EXOC6B: variants seen among roughly 807,000 people sequenced by gnomAD.
The protein encoded by EXOC6B is SEC15 homolog B.
A neutral mutation model predicts 113.5 loss-of-function variants in EXOC6B; 54 were observed. The observed-to-expected ratio is 0.48, with a 90% CI of 0.38 to 0.60. EXOC6B has a LOEUF of 0.60. EXOC6B is among the 20% of genes least tolerant of loss of function. EXOC6B has a pLI of 0.00. For missense variants in EXOC6B, 797 were observed against 977.5 expected (o/e 0.82, Z 2.46); for synonymous variants, 357 against 339.0 (o/e 1.05, Z -0.58).
chr2:72,317,624 A>G (rs1687600877), intron 20 of EXOC6B, among the ~76,000 whole-genome samples: 1 of 151,862 alleles, frequency 6.6e-6, no homozygotes, highest in South Asian at 2.1e-4. Flanking sequence ...GATAAGAATG[A>G]TAAGCAGTAT....
intron 8 of EXOC6B, among the ~76,000 whole-genome samples, chr2:72,531,497 G>A (rs207461857): frequency 1.2e-4 from 19 of 152,208 alleles, no homozygotes; most frequent in South Asian, 1.2e-3. Context: ...CTTTTCAAGC[G>A]CATACTGAAC....
intron 6 of EXOC6B, among the ~76,000 whole-genome samples, chr2:72,695,802 T>A (rs1206621893): frequency 1.3e-5 from 2 of 152,210 alleles, no homozygotes; most frequent in African/African-American, 2.4e-5. Flanking sequence ...TACTAACCAT[T>A]TCTGAAGGCT....
chr2:72,304,440 C>T (rs1444539073), intron 20 of EXOC6B, among the ~76,000 whole-genome samples: 2 of 152,172 alleles, frequency 1.3e-5, no homozygotes, highest in Non-Finnish European at 2.9e-5. Flanking sequence ...TATAGCTTCA[C>T]ATATTTTTAA....
At chr2:72,607,767 A>T (rs368971029) in intron 6 of EXOC6B, among the ~76,000 whole-genome samples, 1 of 152,202 alleles carries the variant, frequency 6.6e-6, no homozygotes, top group Non-Finnish European at 1.5e-5. Context: ...TCTGTAAAAC[A>T]TATTGGGTCA....
chr2:72,767,845 G>T (rs562796551), intron 1 of EXOC6B, among the ~76,000 whole-genome samples: 1 of 58,224 alleles, frequency 1.7e-5, no homozygotes, highest in Non-Finnish European at 3.7e-5. Flanking sequence ...ACCAAGTCCG[G>T]TGGCTCACGC....
chr2:72,776,155 A>AT (rs763201278), intron 1 of EXOC6B, among the ~76,000 whole-genome samples: 50 of 152,314 alleles, frequency 3.3e-4, no homozygotes, highest in Non-Finnish European at 6.5e-4. Context: ...ACTGTATGTG[A>AT]AACTGCAATT....
chr2:72,264,720 C>A (rs949450002), intron 20 of EXOC6B, among the ~76,000 whole-genome samples: 1 of 151,960 alleles, frequency 6.6e-6, no homozygotes, highest in Non-Finnish European at 1.5e-5. Context: ...TTTCCCCACG[C>A]TGTTCTCATG....
chr2:72,342,845 G>C (rs1331240003), intron 19 of EXOC6B, among the ~76,000 whole-genome samples: 1 of 152,078 alleles, frequency 6.6e-6, no homozygotes, highest in Non-Finnish European at 1.5e-5. Flanking sequence ...TATAGTTACC[G>C]TATGATCCAG....
intron 6 of EXOC6B, among the ~76,000 whole-genome samples, chr2:72,665,484 A>T (rs1449804961): frequency 6.6e-6 from 1 of 152,182 alleles, no homozygotes; most frequent in Non-Finnish European, 1.5e-5. Context: ...AAATAGCATT[A>T]GGCAAGCAGC....
intron 7 of EXOC6B, among the ~76,000 whole-genome samples, chr2:72,567,449 C>G (rs1558803171): frequency 6.6e-6 from 1 of 151,966 alleles, no homozygotes. Flanking sequence ...TACAGAATGA[C>G]AGAAAAGACT....
At chr2:72,232,765 T>A (rs558345311) in intron 20 of EXOC6B, among the ~76,000 whole-genome samples, 205 of 152,288 alleles carry the variant, frequency 1.3e-3, no homozygotes, top group African/African-American at 4.7e-3. Context: ...AAGAAATATG[T>A]ATTACTTTTA....
intron 6 of EXOC6B, among the ~76,000 whole-genome samples, chr2:72,589,748 C>G (rs1395747098): frequency 6.6e-6 from 1 of 151,604 alleles, no homozygotes; most frequent in African/African-American, 2.4e-5. Context: ...TCTACTTACT[C>G]TCTTTTTTTC....
chr2:72,782,686 C>T (rs1054726104), intron 1 of EXOC6B, among the ~76,000 whole-genome samples: 2 of 152,104 alleles, frequency 1.3e-5, no homozygotes, highest in Admixed American at 1.3e-4. Flanking sequence ...TCCCACACAC[C>T]CACCCTCCCA....
chr2:72,541,346 C>G (rs967449711), intron 8 of EXOC6B, among the ~76,000 whole-genome samples: 2 of 152,150 alleles, frequency 1.3e-5, no homozygotes, highest in African/African-American at 4.8e-5. Flanking sequence ...AGGACTAATA[C>G]AGAATATGTG....
At chr2:72,743,110 A>C (rs1457180835) in intron 1 of EXOC6B, among the ~76,000 whole-genome samples, 1 of 152,122 alleles carries the variant, frequency 6.6e-6, no homozygotes, top group Non-Finnish European at 1.5e-5. Flanking sequence ...CCTATCCAAT[A>C]CATTAATAAG....
chr2:72,499,831 G>T, intron 12 of EXOC6B, 70 bp downstream of exon 12: 1 of 1,100,072 alleles, frequency 9.1e-7, no homozygotes, highest in Non-Finnish European at 1.3e-6. Context: ...ACCAGACCCA[G>T]TCAAGAAAAA....
Position 72,328,145 on chromosome 2 carries a change from G to A in EXOC6B, c.2196+6802C>T, listed in dbSNP as rs919308127. ...TCCTGTCAGAGCTTCCTTTGATGCT[G>A]GAGGTATCATCTTGAAGGTTACAGG... On this transcript the variant is annotated intron_variant, in intron 20 of 21. Coordinates refer to ENST00000272427, the MANE Select transcript of EXOC6B (RefSeq NM_015189.3). Among the ~76,000 whole-genome samples, 4 of 152,094 alleles carry A rather than the reference G, an allele frequency of 2.6e-5. No individual in the cohort carries two copies. The East Asian group carries it at 7.7e-4, about 29-fold the overall frequency.
chr2:72,631,424 GTGTATATATATA>G (rs369841395), intron 6 of EXOC6B, among the ~76,000 whole-genome samples: 1,024 of 22,234 alleles, frequency 0.046, 147 homozygotes, highest in South Asian at 0.093. Flanking sequence ...GTGTGTGTGT[GTGTATATATATA>G]TATATATATA....
At chr2:72,342,843 C>G (rs560369589) in intron 19 of EXOC6B, among the ~76,000 whole-genome samples, 26 of 152,176 alleles carry the variant, frequency 1.7e-4, no homozygotes, top group African/African-American at 5.8e-4. Flanking sequence ...ACTATAGTTA[C>G]CGTATGATCC....
Sources: allele counts gnomAD v4.1 joint callset (sites outside exome capture counted in the v4.1 genomes callset), GRCh38; gene constraint gnomAD v4.1.1; transcripts MANE v1.5; gene names NCBI Gene and HGNC (gene_info 2026-07-23, HGNC 2026-07-21).